PRKCE: variants seen among roughly 807,000 people sequenced by gnomAD.
PRKCE encodes the protein protein kinase C epsilon type.
In PRKCE, 16 loss-of-function variants were observed where a neutral mutation model predicts 85.4. The observed-to-expected ratio is 0.19, with a 90% CI of 0.13 to 0.28. The LOEUF is 0.28. PRKCE is among the 10% of genes least tolerant of loss of function. The pLI, the probability that PRKCE is intolerant of heterozygous loss-of-function variation, is 1.00. For missense variants in PRKCE, 573 were observed against 975.2 expected, an observed-to-expected ratio of 0.59 and a Z score of 5.49; for synonymous variants, 388 against 371.5, an observed-to-expected ratio of 1.04 and a Z score of -0.51.
At chr2:45,887,990 G>C (rs1173784766) in intron 2 of PRKCE, among the ~76,000 whole-genome samples, 1 of 152,212 alleles carries the variant, frequency 6.6e-6, no homozygotes, top group Non-Finnish European at 1.5e-5. Context: ...AGGATAGAAT[G>C]TATGCTGGAA....
At chr2:45,989,145 A>G (rs1464822414) in intron 6 of PRKCE, among the ~76,000 whole-genome samples, 2 of 152,238 alleles carry the variant, frequency 1.3e-5, no homozygotes, top group Non-Finnish European at 2.9e-5. Flanking sequence ...TGGAAGCGGA[A>G]GCCCTGCTTT....
chr2:46,066,034 G>A (rs13430530), intron 10 of PRKCE, among the ~76,000 whole-genome samples: 73,778 of 151,986 alleles, frequency 0.49, 18,944 homozygotes, highest in African/African-American at 0.65. Flanking sequence ...TTTAACAGAC[G>A]TTCCAAAAAG....
intron 1 of PRKCE, among the ~76,000 whole-genome samples, chr2:45,811,489 T>C (rs757029921): frequency 1.3e-5 from 2 of 152,256 alleles, no homozygotes; most frequent in African/African-American, 2.4e-5. Flanking sequence ...GAATGGTCTC[T>C]GGATGACTAG....
At chr2:45,986,921 A>G (rs1703374795) in intron 6 of PRKCE, among the ~76,000 whole-genome samples, 1 of 151,998 alleles carries the variant, frequency 6.6e-6, no homozygotes, top group Non-Finnish European at 1.5e-5. Context: ...AAGGGAGGGG[A>G]GCAGGAGTCT....
At chr2:45,952,872 G>A (rs971230772) in intron 2 of PRKCE, among the ~76,000 whole-genome samples, 11 of 152,078 alleles carry the variant, frequency 7.2e-5, no homozygotes, top group African/African-American at 2.7e-4. Flanking sequence ...TCTTTTCAAC[G>A]AGCTTATAAA....
chr2:45,973,132 C>CTT (rs1353828769), intron 2 of PRKCE, among the ~76,000 whole-genome samples: 2 of 152,164 alleles, frequency 1.3e-5, no homozygotes, highest in African/African-American at 4.8e-5. Flanking sequence ...TGGAAGAGAC[C>CTT]TTTCATAGCG....
chr2:46,147,255 C>T (rs576800298), intron 12 of PRKCE, among the ~76,000 whole-genome samples: 3 of 152,366 alleles, frequency 2.0e-5, no homozygotes, highest in Admixed American at 6.5e-5. Context: ...CGACAGGGAA[C>T]TGCTTTTCTC....
At chr2:45,718,079 C>T (rs976781932) in intron 1 of PRKCE, among the ~76,000 whole-genome samples, 1 of 152,198 alleles carries the variant, frequency 6.6e-6, no homozygotes, top group Non-Finnish European at 1.5e-5. Flanking sequence ...TTATAGCACT[C>T]AGCACTATTG....
intron 1 of PRKCE, among the ~76,000 whole-genome samples, chr2:45,821,899 G>T (rs1339644358): frequency 6.6e-6 from 1 of 152,156 alleles, no homozygotes; most frequent in East Asian, 1.9e-4. Flanking sequence ...GAGCTGTCAG[G>T]CTAGAGGCTG....
rs11893108 is a variant in PRKCE, at chr2:45,895,667, C to G, written c.412+52604C>G. ...TGCAGGGTAGATGATGTCAGCTTTT[C>G]CATCTCAGCTGAATCAAATTGTACG... On this transcript the variant is annotated intron_variant, in intron 2 of 14. Transcript: ENST00000306156. The surrounding 1 kb of genome is among the most constrained non-coding windows in gnomAD (Gnocchi z 4.8). Among the ~76,000 whole-genome samples the G allele has an allele frequency of 0.018, 2,747 of 152,300 alleles. 105 individuals carry two copies. Among genetic ancestry groups the G allele is most frequent in the African/African-American group, 0.063 (2,603 of 41,530 alleles).
chr2:46,121,699 G>A (rs1468256008), intron 11 of PRKCE, among the ~76,000 whole-genome samples: 14 of 152,218 alleles, frequency 9.2e-5, no homozygotes, highest in Non-Finnish European at 2.9e-5. Context: ...CTTTCAGCAC[G>A]TGTCAGTGAG....
chr2:45,662,883 G>GCAAA (rs1479733873), intron 1 of PRKCE, among the ~76,000 whole-genome samples: 2 of 152,054 alleles, frequency 1.3e-5, no homozygotes, highest in East Asian at 3.9e-4. Context: ...AAGCAAGCAA[G>GCAAA]CAAGCAAGCA....
At chr2:46,079,120 G>A (rs1668819325) in intron 10 of PRKCE, among the ~76,000 whole-genome samples, 1 of 148,242 alleles carries the variant, frequency 6.7e-6, no homozygotes, top group Non-Finnish European at 1.5e-5. Flanking sequence ...AGACTGCAGT[G>A]AGCTGAGATC....
intron 2 of PRKCE, among the ~76,000 whole-genome samples, chr2:45,875,153 A>C (rs945361288): frequency 6.6e-6 from 1 of 152,160 alleles, no homozygotes; most frequent in South Asian, 2.1e-4. Flanking sequence ...CCTTTTAGGC[A>C]GTTCCAGGTG....
intron 11 of PRKCE, among the ~76,000 whole-genome samples, chr2:46,089,269 A>G (rs1179637039): frequency 6.6e-6 from 1 of 152,156 alleles, no homozygotes; most frequent in Non-Finnish European, 1.5e-5. Flanking sequence ...GACTCTTCAC[A>G]TATGTATATC....
At chr2:45,881,102 G>A (rs943596691) in intron 2 of PRKCE, among the ~76,000 whole-genome samples, 10 of 144,434 alleles carry the variant, frequency 6.9e-5, no homozygotes, top group African/African-American at 2.3e-4. Context: ...GCAGTGAGCC[G>A]AGATCCCGCC....
chr2:46,044,523 A>C (rs1374356114), intron 10 of PRKCE, among the ~76,000 whole-genome samples: 1 of 152,116 alleles, frequency 6.6e-6, no homozygotes, highest in African/African-American at 2.4e-5. Flanking sequence ...CCATTTTTGC[A>C]CTGTGCTCAG....
chr2:46,053,280 T>C (rs781527867), intron 10 of PRKCE, among the ~76,000 whole-genome samples: 2 of 152,304 alleles, frequency 1.3e-5, no homozygotes, highest in East Asian at 1.9e-4. Flanking sequence ...GACCTTATTA[T>C]GTTATAAGGG....
intron 1 of PRKCE, among the ~76,000 whole-genome samples, chr2:45,817,198 G>A (rs944628697): frequency 6.6e-6 from 1 of 151,958 alleles, no homozygotes; most frequent in African/African-American, 2.4e-5. Context: ...TGTCATGATA[G>A]CAGCAGCTCA....
Sources: gnomAD v4.1 joint callset for allele counts (sites outside exome capture counted in the v4.1 genomes callset) on GRCh38, gnomAD v4.1.1 for gene constraint, Gnocchi (gnomAD v3.1) non-coding constraint, MANE v1.5 for transcripts, NCBI Gene and HGNC (gene_info 2026-07-23, HGNC 2026-07-21) for gene names.